Variants in AKR1C1 observed in about 807,000 individuals in gnomAD.
AKR1C1 encodes the protein aldo-keto reductase family 1 member C1.
Under a neutral mutation model 40.6 loss-of-function variants are expected in AKR1C1, and 32 were observed. The observed-to-expected ratio is 0.79, with a 90% CI of 0.60 to 1.06. The LOEUF (loss-of-function observed/expected upper bound fraction) is 1.06. Among genes scored for constraint, AKR1C1 ranks in the 50% least tolerant of loss-of-function variants. The pLI, the probability that AKR1C1 is intolerant of heterozygous loss-of-function variation, is 0.00. For missense variants in AKR1C1, 320 were observed against 363.5 expected (o/e 0.88, Z 0.97); for synonymous variants, 105 against 134.2 (o/e 0.78, Z 1.50).
intron 5 of AKR1C1, among the ~76,000 whole-genome samples, chr10:4,969,275 G>A (rs1190690100): frequency 6.6e-6 from 1 of 152,206 alleles, no homozygotes; most frequent in Non-Finnish European, 1.5e-5. Context: ...GGGTGAAGGT[G>A]ATTTGGAGGG....
In AKR1C1 at chr10:4,978,766, C is replaced by A. The variant is rs1348567077; in HGVS notation, c.*1024C>A. 3.3e-5 allele frequency: 5 copies of A among 152,104 alleles called. No individual in the cohort carries two copies. Among genetic ancestry groups the A allele is most frequent in the African/African-American group, 1.2e-4 (5 of 41,416 alleles). 9.4% of individuals were successfully genotyped at this position (152,104 alleles called of 1,614,324 possible). A position where few individuals can be genotyped will look rare whatever the true frequency, so the allele number is the denominator to read the frequency against. On this transcript the variant is annotated 3_prime_UTR_variant, in exon 9 of 9. Coordinates refer to ENST00000380872, the MANE Select transcript of AKR1C1 (RefSeq NM_001353.6). ...ATGGGAAATAATACATCTAATAAATCAAATGTTCCAAGACTTCAAAGGTCT... is the reference window on the plus strand; with the variant it reads ...ATGGGAAATAATACATCTAATAAATAAAATGTTCCAAGACTTCAAAGGTCT...
chr10:4,965,362 C>A (rs1480434544), intron 1 of AKR1C1: 2 of 152,268 alleles, frequency 1.3e-5, no homozygotes. Context: ...AGCTCCGCCT[C>A]CTGGGTTCAC....
intron 8 of AKR1C1, among the ~76,000 whole-genome samples, chr10:4,976,368 A>G (rs1285921150): frequency 4.6e-5 from 7 of 152,094 alleles, no homozygotes; most frequent in Non-Finnish European, 1.0e-4. Flanking sequence ...CTTGTGGGCC[A>G]GGTTCCAATT....
In AKR1C1 at chr10:4,981,663, G is replaced by T. The variant is rs1449206844; in HGVS notation, c.*3921G>T. 6.6e-6 allele frequency: 1 copy of T among 152,234 alleles called. No individual in the cohort carries two copies. The highest frequency in any genetic ancestry group is 2.4e-5 in the African/African-American group (1 of 41,448). 9.4% of individuals were successfully genotyped at this position (152,234 alleles called of 1,614,324 possible). A position where few individuals can be genotyped will look rare whatever the true frequency, so the allele number is the denominator to read the frequency against. On this transcript the variant is annotated 3_prime_UTR_variant, in exon 9 of 9. Transcript: ENST00000380872. ...ATAAGAAAAAACCATCACATCCCCA[G>T]ATTCTGAGGGGAGAGAGTTCACTCC...
chr10:4,965,946 A>G lies in AKR1C1; in HGVS notation c.117A>G (p.Lys39=), dbSNP rs1441534526. The change falls in exon 2 of 9, where the codon AAA becomes AAG. Residue 39 remains lysine, a synonymous_variant. Coordinates refer to ENST00000380872, the MANE Select transcript of AKR1C1 (RefSeq NM_001353.6). ...AAAGTAAAGCTTTAGAGGCCACCAA[A>G]TTGGCAATTGAAGCTGGCTTCCGCC... ...VPKSKALEAT[K]LAIEAGFRHI... is the part of the protein sequence containing the mutation. 6.2e-7 allele frequency: 1 copy of G among 1,614,198 alleles called. No homozygotes were observed. The highest frequency in any genetic ancestry group is 1.3e-5 in the African/African-American group (1 of 75,078).
chr10:4,968,771 C>T (rs373164370), intron 4 of AKR1C1, 51 bp from the exon 5 acceptor site: 4 of 1,613,486 alleles, frequency 2.5e-6, no homozygotes, highest in Non-Finnish European at 3.4e-6. Context: ...TTTCACAGTT[C>T]TGTGTCACAT....
At chr10:4,964,821 G>T (rs1427726766) in intron 1 of AKR1C1, among the ~76,000 whole-genome samples, 2 of 152,176 alleles carry the variant, frequency 1.3e-5, no homozygotes, top group African/African-American at 4.8e-5. Flanking sequence ...CATGCCGACA[G>T]AATGGCTAAT....
chr10:4,967,156 G>T, intron 3 of AKR1C1, 113 bp downstream of exon 3: 2 of 1,180,088 alleles, frequency 1.7e-6, no homozygotes, highest in Non-Finnish European at 2.4e-6. Flanking sequence ...TTATAACATA[G>T]AAGAAGAATC....
At chr10:4,973,093 G>A (rs1313409780) in intron 7 of AKR1C1, among the ~76,000 whole-genome samples, 2 of 151,128 alleles carry the variant, frequency 1.3e-5, no homozygotes, top group African/African-American at 2.4e-5. Context: ...CTTCTTGTAT[G>A]TTTATGTAGT....
chr10:4,975,863 C>G lies in AKR1C1; in HGVS notation c.859C>G (p.Gln287Glu). The change falls in exon 8 of 9, where the codon CAG becomes GAG. Residue 287 changes from glutamine to glutamate, a missense_variant. Physicochemically the swap from Gln to Glu is conservative, Grantham distance 29. Around this residue, in one of 3 missense-constraint regions of AKR1C1, gnomAD observed 29 missense variants for 23.4 expected, o/e 1.24. Coordinates refer to ENST00000380872, the MANE Select transcript of AKR1C1 (RefSeq NM_001353.6). ...IRQNVQVFEFQLTSEEMKAID... is the reference protein window; with the variant it reads ...IRQNVQVFEFELTSEEMKAID... ...ATTACTTTGATAGGTGTTTGAATTCCAGTTGACTTCAGAGGAGATGAAAGC... is the reference window on the plus strand; with the variant it reads ...ATTACTTTGATAGGTGTTTGAATTCGAGTTGACTTCAGAGGAGATGAAAGC... 1 of 525,252 alleles carries G rather than the reference C, an allele frequency of 1.9e-6. No homozygotes were observed. Among genetic ancestry groups the G allele is most frequent in the Non-Finnish European group, 3.3e-6 (1 of 301,360 alleles). The allele number at this position is 525,252 out of a possible 1,614,324, so 32.5% of individuals were successfully genotyped here. A position where few individuals can be genotyped will look rare whatever the true frequency, so the allele number is the denominator to read the frequency against.
At chr10:4,964,142 T>C (rs1360290718) in intron 1 of AKR1C1, among the ~76,000 whole-genome samples, 9 of 152,222 alleles carry the variant, frequency 5.9e-5, no homozygotes, top group South Asian at 2.1e-4. Context: ...ATCAAAATAT[T>C]GTAACAGAAA....
Position 4,972,315 on chromosome 10 carries a change from T to C in AKR1C1, c.680+5T>C. 6.2e-7 allele frequency: 1 copy of C among 1,612,104 alleles called. No individual in the cohort carries two copies. The highest frequency in any genetic ancestry group is 1.7e-4 in the Middle Eastern group (1 of 6,050). On this transcript the variant is annotated splice_donor_5th_base_variant and intron_variant, in intron 6 of 8. Transcript: ENST00000380872. Reference sequence around the variant, plus strand: ...ATCCCACCGAGAAGAACCATGGTAATAAGAGATACAGGAAGTTTACCTAAA... The same window carrying C: ...ATCCCACCGAGAAGAACCATGGTAACAAGAGATACAGGAAGTTTACCTAAA...
At position 4,971,505 on chromosome 10, in the gene AKR1C1, T is replaced by TTA. The variant is rs373079128; in HGVS notation, c.571-679_571-678dup. 1.5e-3 allele frequency among the ~76,000 whole-genome samples: 164 copies of TTA among 108,870 alleles called. 1 individual carries two copies. The highest frequency in any genetic ancestry group is 3.9e-3 in the East Asian group (14 of 3,626). The allele number at this position is 108,870 out of a possible 152,430, so 71.4% of individuals were successfully genotyped here. A position where few individuals can be genotyped will look rare whatever the true frequency, so the allele number is the denominator to read the frequency against. ...CTCACATCTACTCAGCATATATATATTATATATATATATATATAAAATATA... is the reference window on the plus strand; with the variant it reads ...CTCACATCTACTCAGCATATATATATTATATATATATATATATATAAAATATA... On this transcript the variant is annotated intron_variant, in intron 5 of 8. Coordinates refer to ENST00000380872, the MANE Select transcript of AKR1C1 (RefSeq NM_001353.6).
chr10:4,967,453 G>T, intron 3 of AKR1C1: 1 of 1,000,404 alleles, frequency 1.0e-6, no homozygotes, highest in Non-Finnish European at 1.2e-6. Context: ...TTTAAGGGGC[G>T]AGAACTCAGT....
rs548442452 is a variant in AKR1C1, at chr10:4,977,811, A to G, written c.*69A>G. The G allele has an allele frequency of 4.2e-5, 62 of 1,480,042 alleles. No individual in the cohort carries two copies. The South Asian group carries it at 6.7e-4, about 16-fold the overall frequency. 91.7% of individuals were successfully genotyped at this position (1,480,042 alleles called of 1,614,324 possible). A position where few individuals can be genotyped will look rare whatever the true frequency, so the allele number is the denominator to read the frequency against. On this transcript the variant is annotated 3_prime_UTR_variant, in exon 9 of 9. Transcript: ENST00000380872. Reference sequence around the variant, plus strand: ...GGATGGTGACACAGAGGATGGCTCTATGCTGGTGACTGGACACATCGCCTC... The same window carrying G: ...GGATGGTGACACAGAGGATGGCTCTGTGCTGGTGACTGGACACATCGCCTC...
chr10:4,969,845 C>A, intron 5 of AKR1C1: 1 of 1,077,766 alleles, frequency 9.3e-7, no homozygotes, highest in Non-Finnish European at 1.3e-6. Context: ...TAGAGTCAAT[C>A]AGTGAAGATC....
chr10:4,968,353 A>G lies in AKR1C1; in HGVS notation c.414A>G (p.Leu138=), dbSNP rs751490595. 2.2e-5 allele frequency: 35 copies of G among 1,576,358 alleles called. 1 individual carries two copies. In the Admixed American group the frequency reaches 4.4e-4, roughly 20 times the overall value. ...CAAAAGATGAAAATGGAAAAATACT[A>G]TTTGACACAGTGGATCTCTGTGCCA... ...VIPKDENGKI[L]FDTVDLCATW... is the part of the protein sequence containing the mutation. The change falls in exon 4 of 9, where the codon CTA becomes CTG. Residue 138 remains leucine (L), a synonymous_variant. Transcript: ENST00000380872.
chr10:4,977,121 G>C (rs1836538100), intron 8 of AKR1C1, among the ~76,000 whole-genome samples: 1 of 152,106 alleles, frequency 6.6e-6, no homozygotes, highest in East Asian at 1.9e-4. Flanking sequence ...ATTTATCTGT[G>C]TCTTTACATT....
intron 5 of AKR1C1, chr10:4,969,798 A>C: frequency 1.3e-6 from 2 of 1,540,848 alleles, no homozygotes; most frequent in South Asian, 2.4e-5. Flanking sequence ...TTTCCCAGTA[A>C]ATTACATTTT....
Sources: gnomAD v4.1 joint callset for allele counts (sites outside exome capture counted in the v4.1 genomes callset) on GRCh38, gnomAD v4.1.1 for gene constraint, gnomAD v4.1.1 regional missense constraint, MANE v1.5 for transcripts, NCBI Gene and HGNC (gene_info 2026-07-23, HGNC 2026-07-21) for gene names.